Variants in ESCO2 observed in about 807,000 individuals in gnomAD.
ESCO2 encodes establishment of sister chromatid cohesion N-acetyltransferase 2.
ESCO2 carries 51 observed loss-of-function variants against 61.7 expected under a neutral mutation model. The observed-to-expected ratio is 0.83, with a 90% CI of 0.66 to 1.04. The LOEUF (loss-of-function observed/expected upper bound fraction) is 1.04. Among genes scored for constraint, ESCO2 ranks in the 50% least tolerant of loss-of-function variants. ESCO2 has a pLI of 0.00. For synonymous variants in ESCO2, 230 were observed against 238.2 expected, an observed-to-expected ratio of 0.97 and a Z score of 0.32; for missense variants, 692 against 686.2, an observed-to-expected ratio of 1.01 and a Z score of -0.09.
chr8:27,810,327 T>G (rs1563486315), downstream of ESCO2: 1 of 1,612,128 alleles, frequency 6.2e-7, no homozygotes, highest in Non-Finnish European at 8.5e-7. Flanking sequence ...TTCCAGAGCT[T>G]CAACAATGTG....
At chr8:27,789,101 T>A in intron 7 of ESCO2, 123 bp downstream of exon 7, 1 of 1,207,672 alleles carries the variant, frequency 8.3e-7, no homozygotes, top group Non-Finnish European at 1.2e-6. Flanking sequence ...TCAAGCTTAC[T>A]ATCTCAATTT....
chr8:27,791,936 T>C (rs1030553294), intron 7 of ESCO2, 27 bp from the exon 8 acceptor site: 7 of 1,604,548 alleles, frequency 4.4e-6, no homozygotes, highest in Non-Finnish European at 5.1e-6. Flanking sequence ...CAAATTAAAC[T>C]GTGACCCTTT....
At chr8:27,791,411 C>G (rs1173308972) in intron 7 of ESCO2, among the ~76,000 whole-genome samples, 1 of 152,164 alleles carries the variant, frequency 6.6e-6, no homozygotes, top group African/African-American at 2.4e-5. Flanking sequence ...TCACTGACAT[C>G]TTACCAAGGT....
intron 3 of ESCO2, chr8:27,779,586 T>A (rs1336574641): frequency 1.3e-5 from 2 of 152,296 alleles, no homozygotes; most frequent in African/African-American, 4.8e-5. Flanking sequence ...CATTTCATTA[T>A]GGAAGTGATG....
upstream of ESCO2, among the ~76,000 whole-genome samples, chr8:27,772,966 T>C (rs564212700): frequency 1.3e-5 from 2 of 152,310 alleles, no homozygotes; most frequent in East Asian, 3.9e-4. Flanking sequence ...TCTTGGGGAT[T>C]GGACTTTGTT....
chr8:27,811,178 C>A, downstream of ESCO2: 1 of 1,596,290 alleles, frequency 6.3e-7, no homozygotes, highest in Non-Finnish European at 8.6e-7. Flanking sequence ...CTACAAATCA[C>A]GAAAAGGCAA....
At chr8:27,784,642 T>C (rs1033467109) in intron 5 of ESCO2, among the ~76,000 whole-genome samples, 1 of 152,288 alleles carries the variant, frequency 6.6e-6, no homozygotes, top group Admixed American at 6.5e-5. Context: ...TATCATAAAG[T>C]ATAGCTGAAG....
At chr8:27,781,146 C>T (rs1804918404) in intron 4 of ESCO2, among the ~76,000 whole-genome samples, 1 of 151,980 alleles carries the variant, frequency 6.6e-6, no homozygotes, top group African/African-American at 2.4e-5. Context: ...TATAAAAAGA[C>T]CAAAACTTTA....
intron 5 of ESCO2, among the ~76,000 whole-genome samples, chr8:27,787,510 A>C (rs28619123): frequency 0.11 from 16,170 of 152,142 alleles, 971 homozygotes; most frequent in East Asian, 0.25. Context: ...GAATTTCTTC[A>C]TAGCTGTATG....
chr8:27,793,336 T>C (rs922361924), intron 9 of ESCO2, among the ~76,000 whole-genome samples: 1 of 152,144 alleles, frequency 6.6e-6, no homozygotes, highest in African/African-American at 2.4e-5. Context: ...ATTGCAAATA[T>C]TTACAGTGTA....
At chr8:27,801,969 A>ATTTTTTTTTTTTTTTTTTTTT (rs34539100) in intron 10 of ESCO2, among the ~76,000 whole-genome samples, 2 of 83,780 alleles carry the variant, frequency 2.4e-5, no homozygotes, top group African/African-American at 4.8e-5. Flanking sequence ...CCTTCATGGC[A>ATTTTTTTTTTTTTTTTTTTTT]TTTTTTTTTT....
At chr8:27,774,164 GCCTT>G (rs1176639872), upstream of ESCO2, among the ~76,000 whole-genome samples, 1 of 114,854 alleles carries the variant, frequency 8.7e-6, no homozygotes, top group Admixed American at 9.5e-5. Context: ...TCTTGGAGAG[GCCTT>G]TATTTATTTA....
At chr8:27,773,396 C>G (rs968530418), upstream of ESCO2, among the ~76,000 whole-genome samples, 1 of 152,004 alleles carries the variant, frequency 6.6e-6, no homozygotes, top group Non-Finnish European at 1.5e-5. Flanking sequence ...TTCCTGCCCC[C>G]CTTCTTCGTC....
At chr8:27,797,166 C>G (rs1219144314) in intron 9 of ESCO2, among the ~76,000 whole-genome samples, 1 of 152,092 alleles carries the variant, frequency 6.6e-6, no homozygotes, top group East Asian at 1.9e-4. Context: ...GACGATGTAT[C>G]CATTGTTGAA....
rs1197075056 is a variant in ESCO2 at position 27,804,736 on chromosome 8, G to A, written c.*1298G>A. The A allele has an allele frequency of 1.0e-6, 1 of 984,438 alleles. No homozygotes were observed. Among genetic ancestry groups the A allele is most frequent in the Non-Finnish European group, 1.2e-6 (1 of 829,400 alleles). 61.0% of individuals were successfully genotyped at this position (984,438 alleles called of 1,614,324 possible). ...CATGTTTCCAAAATTTAAAAGCCTGGGTCCCCAAAAGAATGTGGAAGTATT... is the reference window on the plus strand; with the variant it reads ...CATGTTTCCAAAATTTAAAAGCCTGAGTCCCCAAAAGAATGTGGAAGTATT... On this transcript the variant is annotated 3_prime_UTR_variant, in exon 11 of 11. Transcript: ENST00000305188.
At chr8:27,798,100 C>CA (rs1224611351) in intron 9 of ESCO2, among the ~76,000 whole-genome samples, 1 of 152,182 alleles carries the variant, frequency 6.6e-6, no homozygotes, top group Non-Finnish European at 1.5e-5. Context: ...CCAGATCTCT[C>CA]ACACCTTGTT....
At chr8:27,772,611 A>G, upstream of ESCO2, 5 of 1,483,254 alleles carry the variant, frequency 3.4e-6, no homozygotes, top group South Asian at 2.4e-5. Context: ...AGGATACCAG[A>G]CTCGCGGCGG....
intron 5 of ESCO2, among the ~76,000 whole-genome samples, chr8:27,786,860 G>GTT (rs11305883): frequency 2.7e-4 from 33 of 122,186 alleles, no homozygotes; most frequent in African/African-American, 9.7e-4. Flanking sequence ...TGGTACTAGG[G>GTT]TTTTTTTTTT....
chr8:27,795,264 G>GTT (rs1216822325), intron 9 of ESCO2, among the ~76,000 whole-genome samples: 4 of 152,004 alleles, frequency 2.6e-5, no homozygotes, highest in Non-Finnish European at 5.9e-5. Flanking sequence ...CATAAGTGGG[G>GTT]TTTTTTATGC....
Sources: allele counts gnomAD v4.1 joint callset (sites outside exome capture counted in the v4.1 genomes callset), GRCh38; gene constraint gnomAD v4.1.1; transcripts MANE v1.5; gene names NCBI Gene and HGNC (gene_info 2026-07-23, HGNC 2026-07-21).